Variants in CDC42 observed in about 807,000 individuals in gnomAD.
The protein encoded by CDC42 is cell division control protein 42 homolog.
CDC42 carries 1 observed loss-of-function variant against 20.8 expected under a neutral mutation model. That is an observed-to-expected ratio of 0.05 (90% CI 0.02 to 0.23). The LOEUF is 0.23. Ranked by LOEUF, CDC42 falls within the 10% of genes least tolerant of loss-of-function variation. CDC42 has a pLI of 1.00. For synonymous variants in CDC42, 72 were observed against 84.8 expected (o/e 0.85, Z 0.83); for missense variants, 49 against 227.9 (o/e 0.21, Z 5.05).
intron 1 of CDC42, among the ~76,000 whole-genome samples, chr1:22,067,611 C>G (rs1645439441): frequency 6.6e-6 from 1 of 152,206 alleles, no homozygotes; most frequent in African/African-American, 2.4e-5. Context: ...TCTCAATGTG[C>G]TGGGTTTACA....
At chr1:22,064,691 CTT>C (rs35054876) in intron 1 of CDC42, among the ~76,000 whole-genome samples, 136 of 146,232 alleles carry the variant, frequency 9.3e-4, no homozygotes, top group Non-Finnish European at 1.6e-3. Context: ...AGAGAAGATT[CTT>C]TTTTTTTTTT....
At chr1:22,070,563 A>T (rs1645475777) in intron 1 of CDC42, among the ~76,000 whole-genome samples, 1 of 138,958 alleles carries the variant, frequency 7.2e-6, no homozygotes, top group Non-Finnish European at 1.5e-5. Context: ...TCCTAGGTTC[A>T]TGCCATTCTC....
At chr1:22,084,598 T>C (rs967221932) in intron 3 of CDC42, among the ~76,000 whole-genome samples, 9 of 152,022 alleles carry the variant, frequency 5.9e-5, no homozygotes, top group Non-Finnish European at 1.3e-4. Context: ...TTGCATATAT[T>C]TTTTCCTATT....
At chr1:22,055,199 C>T (rs569739140) in intron 1 of CDC42, among the ~76,000 whole-genome samples, 3 of 151,178 alleles carry the variant, frequency 2.0e-5, no homozygotes, top group Non-Finnish European at 4.4e-5. Context: ...GTGATCCGCC[C>T]GCCTCGTCCC....
intron 1 of CDC42, among the ~76,000 whole-genome samples, chr1:22,077,658 A>C (rs1645565975): frequency 1.3e-5 from 2 of 152,202 alleles, no homozygotes; most frequent in Admixed American, 1.3e-4. Context: ...AAGAGACTCA[A>C]AGATACATTC....
intron 1 of CDC42, among the ~76,000 whole-genome samples, chr1:22,063,640 C>T (rs559185574): frequency 1.7e-4 from 26 of 152,240 alleles, no homozygotes; most frequent in Non-Finnish European, 2.8e-4. Flanking sequence ...ATTTCTTTTG[C>T]GCTTTTTTCC....
intron 1 of CDC42, among the ~76,000 whole-genome samples, chr1:22,053,081 C>T (rs1645254058): frequency 6.6e-6 from 1 of 151,232 alleles, no homozygotes; most frequent in African/African-American, 2.4e-5. Context: ...CGCCCGGGCT[C>T]CCCTCCCCCC....
intron 1 of CDC42, among the ~76,000 whole-genome samples, chr1:22,061,059 T>C (rs974770679): frequency 6.6e-6 from 1 of 152,228 alleles, no homozygotes; most frequent in African/African-American, 2.4e-5. Flanking sequence ...CCTGTGTGGC[T>C]TAGTGTGTTT....
intron 3 of CDC42, among the ~76,000 whole-genome samples, chr1:22,082,591 G>A (rs975632953): frequency 6.6e-5 from 10 of 152,130 alleles, no homozygotes; most frequent in Admixed American, 6.6e-5. Flanking sequence ...TCTTTAGAAT[G>A]TAGGAATTCT....
chr1:22,081,706 AT>A lies in CDC42; in HGVS notation c.106-9del. 6.4e-6 allele frequency: 10 copies of A among 1,563,972 alleles called. No homozygotes were observed. Among genetic ancestry groups the A allele is most frequent in the Non-Finnish European group, 8.8e-6 (10 of 1,135,260 alleles). The stretch of plus-strand genomic sequence containing the variant: ...TCTCCTTGCACACTAACAGTGTTGT[AT>A]TTTTTTGTTTTTAGGTTTTTGACAA... On this transcript the variant is annotated splice_polypyrimidine_tract_variant and intron_variant, in intron 2 of 5. Transcript: ENST00000656825.
chr1:22,071,184 C>T (rs1645488115), intron 1 of CDC42, among the ~76,000 whole-genome samples: 1 of 151,636 alleles, frequency 6.6e-6, no homozygotes, highest in Admixed American at 6.6e-5. Context: ...GCTGGGACTA[C>T]AGGCGCCTGC....
chr1:22,067,164 T>C (rs776993360), intron 1 of CDC42, among the ~76,000 whole-genome samples: 10 of 152,132 alleles, frequency 6.6e-5, no homozygotes, highest in Non-Finnish European at 1.5e-4. Context: ...TGGGTTCTGT[T>C]TAGTCCGTTT....
intron 1 of CDC42, among the ~76,000 whole-genome samples, chr1:22,058,220 G>T (rs12035094): frequency 0.034 from 5,104 of 152,176 alleles, 303 homozygotes; most frequent in East Asian, 0.25. Context: ...ATTTTTATGT[G>T]TATTAAGGCT....
In CDC42 at chr1:22,094,090, G is replaced by A. The variant is rs1365677070; in HGVS notation, c.*2573G>A. Among the ~76,000 whole-genome samples, 1 of 151,920 alleles carries A rather than the reference G, an allele frequency of 6.6e-6. No individual in the cohort carries two copies. Among genetic ancestry groups the A allele is most frequent in the Non-Finnish European group, 1.5e-5 (1 of 67,966 alleles). On this transcript the variant is annotated 3_prime_UTR_variant, in exon 6 of 6. Coordinates refer to ENST00000656825, the MANE Select transcript of CDC42 (RefSeq NM_001791.4). ...AGCTTAGGTTTTCCATTTAAATATT[G>A]TTTTCTATTTGACGTAACAAACTTG...
At chr1:22,057,690 C>T (rs1645318107) in intron 1 of CDC42, among the ~76,000 whole-genome samples, 1 of 151,756 alleles carries the variant, frequency 6.6e-6, no homozygotes, top group South Asian at 2.1e-4. Flanking sequence ...AGCCCAAAAA[C>T]ATTTCTAAAT....
chr1:22,078,888 T>A, intron 2 of CDC42: 2 of 181,828 alleles, frequency 1.1e-5, no homozygotes, highest in Non-Finnish European at 1.3e-5. Flanking sequence ...TGAGGTGACT[T>A]TTTTTTTTTT....
chr1:22,059,457 C>A (rs938180608), intron 1 of CDC42: 4 of 152,210 alleles, frequency 2.6e-5, no homozygotes, highest in African/African-American at 7.2e-5. Context: ...TTTCTGCTTT[C>A]TTTGCTAAAA....
At chr1:22,082,145 G>T (rs1645614090) in intron 3 of CDC42, among the ~76,000 whole-genome samples, 1 of 152,138 alleles carries the variant, frequency 6.6e-6, no homozygotes, top group Non-Finnish European at 1.5e-5. Flanking sequence ...GAATTCATAG[G>T]AATCATGCCC....
Position 22,095,882 on chromosome 1 carries a change from T to G in CDC42, c.*4365T>G, listed in dbSNP as rs1027487694. Among the ~76,000 whole-genome samples the G allele has an allele frequency of 6.6e-6, 1 of 152,350 alleles. No individual in the cohort carries two copies. The highest frequency in any genetic ancestry group is 1.5e-5 in the Non-Finnish European group (1 of 68,040). On this transcript the variant is annotated 3_prime_UTR_variant, in exon 6 of 6. Coordinates refer to ENST00000656825, the MANE Select transcript of CDC42 (RefSeq NM_001791.4). ...GAAAGCGCATTTACACTTTCTCGTA[T>G]TCCATTGCCCAGAGATGGCATATAG... is the stretch of plus-strand genomic sequence containing the variant.
Sources: allele counts gnomAD v4.1 joint callset (sites outside exome capture counted in the v4.1 genomes callset), GRCh38; gene constraint gnomAD v4.1.1; transcripts MANE v1.5; gene names NCBI Gene and HGNC (gene_info 2026-07-23, HGNC 2026-07-21).